BRSK2: variants seen among roughly 807,000 people sequenced by gnomAD.
The protein encoded by BRSK2 is serine/threonine-protein kinase BRSK2.
Under a neutral mutation model 83.3 loss-of-function variants are expected in BRSK2, and 19 were observed. The ratio of observed to expected loss-of-function variants is 0.23; its 90% CI spans 0.16 to 0.33. The LOEUF is 0.33. Among genes scored for constraint, BRSK2 ranks in the 10% least tolerant of loss-of-function variants. The pLI is 1.00. For missense variants in BRSK2, 798 were observed against 1,042.3 expected, an observed-to-expected ratio of 0.77 and a Z score of 3.23; for synonymous variants, 519 against 435.4, an observed-to-expected ratio of 1.19 and a Z score of -2.39.
chr11:1,421,725 G>A (rs985296207), intron 1 of BRSK2, among the ~76,000 whole-genome samples: 2 of 152,090 alleles, frequency 1.3e-5, no homozygotes, highest in Non-Finnish European at 2.9e-5. Context: ...GGTGTGCAGG[G>A]TGGGGGTGCA....
intron 13 of BRSK2, among the ~76,000 whole-genome samples, chr11:1,450,309 G>A (rs1024247253): frequency 1.3e-5 from 2 of 151,892 alleles, no homozygotes; most frequent in African/African-American, 4.8e-5. Flanking sequence ...CCCGAAGCTT[G>A]TGGGAGCGCC....
intron 1 of BRSK2, among the ~76,000 whole-genome samples, chr11:1,393,921 ATGGAGATGGGTCC>A (rs1263534056): frequency 0.048 from 2,758 of 57,276 alleles, 187 homozygotes; most frequent in Admixed American, 0.064. Flanking sequence ...GAGATGGGCC[ATGGAGATGGGTCC>A]TGGAGATGGG....
chr11:1,442,931 C>T (rs1422663490), intron 5 of BRSK2, among the ~76,000 whole-genome samples, 175 bp from the exon 6 acceptor site: 2 of 152,172 alleles, frequency 1.3e-5, no homozygotes, highest in Non-Finnish European at 2.9e-5. Context: ...AGCAGAGACC[C>T]AGTGCCCCAC....
intron 1 of BRSK2, among the ~76,000 whole-genome samples, chr11:1,403,757 G>C (rs566969829): frequency 6.6e-6 from 1 of 152,190 alleles, no homozygotes; most frequent in African/African-American, 2.4e-5. Context: ...AGTGGGCTCT[G>C]TTCTGGGCTC....
At chr11:1,442,964 G>A (rs1057258339) in intron 5 of BRSK2, 142 bp from the exon 6 acceptor site, 16 of 1,013,304 alleles carry the variant, frequency 1.6e-5, no homozygotes, top group East Asian at 8.0e-5. Flanking sequence ...CCAAAAGCCC[G>A]CCTGGGGATG....
intron 12 of BRSK2, chr11:1,447,979 T>A: frequency 2.9e-6 from 3 of 1,046,980 alleles, no homozygotes; most frequent in Non-Finnish European, 4.2e-6. Flanking sequence ...GGGCTCCTGC[T>A]GCGGTGAAGC....
Position 1,446,668 on chromosome 11 carries a change from TG to T in BRSK2, c.1226+766del, listed in dbSNP as rs373576170. Among the ~76,000 whole-genome samples the T allele has an allele frequency of 9.4e-4, 138 of 146,354 alleles. 3 individuals carry two copies. In the East Asian group the frequency reaches 0.029, roughly 30 times the overall value. On this transcript the variant is annotated intron_variant, in intron 12 of 19. Transcript: ENST00000528841. ...CAGCCCCTCTGGAGCCTCTGCTGGG[TG>T]GGGGCAGGGCTGGGCTGCCCGCACG...
chr11:1,456,937 G>T, intron 18 of BRSK2: 2 of 1,596,218 alleles, frequency 1.3e-6, no homozygotes, highest in Non-Finnish European at 8.5e-7. Flanking sequence ...ACTGAAAGGC[G>T]CCTCTTGTCC....
intron 19 of BRSK2, among the ~76,000 whole-genome samples, chr11:1,459,857 ATCTG>A (rs1199277692): frequency 2.0e-5 from 3 of 151,738 alleles, no homozygotes; most frequent in African/African-American, 7.3e-5. Context: ...CCATCTGTTC[ATCTG>A]TCTGTCTGCT....
intron 1 of BRSK2, among the ~76,000 whole-genome samples, chr11:1,425,641 C>T (rs1044738588): frequency 2.6e-5 from 4 of 152,198 alleles, no homozygotes; most frequent in Non-Finnish European, 5.9e-5. Context: ...CATTCAGCAC[C>T]GAGGTCAGCA....
chr11:1,405,012 G>T (rs1371524141), intron 1 of BRSK2, among the ~76,000 whole-genome samples: 1 of 12,388 alleles, frequency 8.1e-5, no homozygotes, highest in Non-Finnish European at 1.8e-4. Flanking sequence ...CTAGGGGGTG[G>T]GGGTGGCTCT....
intron 1 of BRSK2, among the ~76,000 whole-genome samples, chr11:1,392,817 G>A (rs548651879): frequency 1.5e-4 from 23 of 152,298 alleles, no homozygotes; most frequent in African/African-American, 4.6e-4. Flanking sequence ...GGGTCTGTGC[G>A]TCCTGCAGGG....
At chr11:1,422,137 C>T (rs1333195800) in intron 1 of BRSK2, among the ~76,000 whole-genome samples, 1 of 152,174 alleles carries the variant, frequency 6.6e-6, no homozygotes, top group Non-Finnish European at 1.5e-5. Context: ...CCCAGCCCAG[C>T]CCCAGCTGTG....
chr11:1,423,914 C>G lies in BRSK2; in HGVS notation c.92-12126C>G, dbSNP rs1457057431. 6.6e-6 allele frequency among the ~76,000 whole-genome samples: 1 copy of G among 152,106 alleles called. No individual in the cohort carries two copies. The highest frequency in any genetic ancestry group is 1.5e-5 in the Non-Finnish European group (1 of 68,028). ...CTTGCTTTCACCCTCACGTGGCGCC[C>G]CCATCCCACCCCGTGTGTCCCCAGC... On this transcript the variant is annotated intron_variant, in intron 1 of 19. Transcript: ENST00000528841. The surrounding 1 kb of genome is among the most constrained non-coding windows in gnomAD (Gnocchi z 6.5).
chr11:1,403,043 C>A (rs547895531), intron 1 of BRSK2, among the ~76,000 whole-genome samples: 1 of 152,148 alleles, frequency 6.6e-6, no homozygotes, highest in Non-Finnish European at 1.5e-5. Flanking sequence ...CGGGACCCCC[C>A]GGGGCCACCA....
chr11:1,396,237 C>CGCCTCGAGG, intron 1 of BRSK2, among the ~76,000 whole-genome samples: 8 of 127,488 alleles, frequency 6.3e-5, no homozygotes, highest in Admixed American at 1.5e-4. Flanking sequence ...CCCTTCCACC[C>CGCCTCGAGG]ACGTCCCCCA....
intron 1 of BRSK2, among the ~76,000 whole-genome samples, chr11:1,394,436 C>A (rs1590287985): frequency 1.8e-5 from 1 of 57,118 alleles, no homozygotes; most frequent in Non-Finnish European, 3.2e-5. Flanking sequence ...GAGATGGGTC[C>A]TGGAGATGGG....
At chr11:1,413,044 G>A (rs1448819435) in intron 1 of BRSK2, among the ~76,000 whole-genome samples, 1 of 152,162 alleles carries the variant, frequency 6.6e-6, no homozygotes, top group Non-Finnish European at 1.5e-5. Context: ...TCCCATGTTA[G>A]GAGCCTGCGT....
chr11:1,395,565 C>T (rs550457399), intron 1 of BRSK2, among the ~76,000 whole-genome samples: 32 of 152,304 alleles, frequency 2.1e-4, no homozygotes, highest in South Asian at 1.0e-3. Context: ...GCGGGAGGGT[C>T]GTTGGAGGCG....
Sources: allele counts gnomAD v4.1 joint callset (sites outside exome capture counted in the v4.1 genomes callset), GRCh38; gene constraint gnomAD v4.1.1; non-coding constraint Gnocchi (gnomAD v3.1); transcripts MANE v1.5; gene names NCBI Gene and HGNC (gene_info 2026-07-23, HGNC 2026-07-21).